The following THRB variants were observed in gnomAD, a reference collection of about 807,000 sequenced individuals.
THRB encodes nuclear receptor subfamily 1 group A member 2.
THRB carries 12 observed loss-of-function variants against 47.8 expected under a neutral mutation model. The observed-to-expected ratio is 0.25, with a 90% CI of 0.16 to 0.41. The LOEUF is 0.41. Among genes scored for constraint, THRB ranks in the 10% least tolerant of loss-of-function variants. The pLI is 1.00. For missense variants in THRB, 348 were observed against 589.2 expected, an observed-to-expected ratio of 0.59 and a Z score of 4.24; for synonymous variants, 218 against 212.2, an observed-to-expected ratio of 1.03 and a Z score of -0.24.
chr3:24,254,512 G>A (rs1321262520), intron 3 of THRB, among the ~76,000 whole-genome samples: 3 of 152,096 alleles, frequency 2.0e-5, no homozygotes, highest in African/African-American at 7.2e-5. Flanking sequence ...TTTAGAGTAA[G>A]AACAGTGTCA....
intron 1 of THRB, among the ~76,000 whole-genome samples, chr3:24,394,034 T>C (rs1160387937): frequency 2.0e-5 from 3 of 152,128 alleles, no homozygotes; most frequent in Admixed American, 2.0e-4. Context: ...TGATCTTCAA[T>C]AGATATTTTT....
At chr3:24,300,042 A>G (rs1369587750) in intron 2 of THRB, among the ~76,000 whole-genome samples, 1 of 151,978 alleles carries the variant, frequency 6.6e-6, no homozygotes, top group East Asian at 1.9e-4. Context: ...TTACATCTCT[A>G]GATCTGTCCA....
chr3:24,128,936 C>T (rs2033384769), intron 9 of THRB, among the ~76,000 whole-genome samples: 1 of 132,950 alleles, frequency 7.5e-6, no homozygotes, highest in Non-Finnish European at 1.6e-5. Context: ...ATGTGAGTTA[C>T]ACCTAATATC....
chr3:24,330,149 CAA>C (rs373239958), intron 2 of THRB, among the ~76,000 whole-genome samples: 11 of 151,212 alleles, frequency 7.3e-5, no homozygotes, highest in African/African-American at 1.5e-4. Context: ...ACTAAAAATA[CAA>C]AAAAAATTAG....
At chr3:24,137,582 T>G (rs1364064095) in intron 8 of THRB, among the ~76,000 whole-genome samples, 4 of 151,974 alleles carry the variant, frequency 2.6e-5, no homozygotes, top group Non-Finnish European at 5.9e-5. Context: ...GGAAAGCCAG[T>G]GCAAAGTCCC....
chr3:24,322,647 A>G (rs1188223692), intron 2 of THRB, among the ~76,000 whole-genome samples: 1 of 152,170 alleles, frequency 6.6e-6, no homozygotes. Context: ...GATTCCTTCA[A>G]TGTATAGTTG....
At chr3:24,169,825 T>C (rs1056357033) in intron 5 of THRB, among the ~76,000 whole-genome samples, 4 of 151,126 alleles carry the variant, frequency 2.6e-5, no homozygotes, top group Non-Finnish European at 5.9e-5. Flanking sequence ...TAAAGTTTAC[T>C]GGAATACAGC....
At chr3:24,306,850 A>G (rs1034019647) in intron 2 of THRB, among the ~76,000 whole-genome samples, 1 of 152,196 alleles carries the variant, frequency 6.6e-6, no homozygotes, top group African/African-American at 2.4e-5. Context: ...TTGTCTCTTT[A>G]CTTTCCTACA....
chr3:24,262,250 A>T (rs1486452889), intron 3 of THRB, among the ~76,000 whole-genome samples: 1 of 152,290 alleles, frequency 6.6e-6, no homozygotes. Context: ...TACCTCCATC[A>T]TTACTGTTAT....
intron 2 of THRB, among the ~76,000 whole-genome samples, chr3:24,316,899 G>A (rs531056762): frequency 3.7e-4 from 57 of 152,236 alleles, no homozygotes; most frequent in African/African-American, 1.2e-3. Flanking sequence ...ACTCCTTTTC[G>A]TGAAAGGCTG....
chr3:24,191,727 C>G (rs2043368862), intron 4 of THRB, among the ~76,000 whole-genome samples: 1 of 152,240 alleles, frequency 6.6e-6, no homozygotes, highest in African/African-American at 2.4e-5. Context: ...TGCATTTACC[C>G]TTCCGGGTTT....
intron 5 of THRB, among the ~76,000 whole-genome samples, chr3:24,167,978 G>C (rs867213495): frequency 1.3e-5 from 2 of 152,056 alleles, no homozygotes; most frequent in Admixed American, 6.6e-5. Flanking sequence ...AAGGTCAACA[G>C]TATTTTTATT....
chr3:24,425,824 C>A (rs1320642514), intron 1 of THRB, among the ~76,000 whole-genome samples: 7 of 151,936 alleles, frequency 4.6e-5, no homozygotes. Context: ...GTAATTTAAC[C>A]TCTCAGTGCT....
At chr3:24,492,275 T>C (rs1698264540) in intron 1 of THRB, among the ~76,000 whole-genome samples, 1 of 152,174 alleles carries the variant, frequency 6.6e-6, no homozygotes, top group South Asian at 2.1e-4. Context: ...TTCGATATTC[T>C]AGGCAAGGAT....
chr3:24,439,575 C>T (rs13070554), intron 1 of THRB, among the ~76,000 whole-genome samples: 42,091 of 152,058 alleles, frequency 0.28, 6,222 homozygotes, highest in Admixed American at 0.34. Context: ...TGACAACACA[C>T]GCAAAAGACT....
At chr3:24,244,451 T>G (rs895260209) in intron 3 of THRB, among the ~76,000 whole-genome samples, 4 of 152,274 alleles carry the variant, frequency 2.6e-5, no homozygotes, top group Non-Finnish European at 5.9e-5. Context: ...ATCTATTTAT[T>G]GGTAAAGAAA....
chr3:24,225,894 T>A (rs2047606575), intron 4 of THRB, among the ~76,000 whole-genome samples: 1 of 152,194 alleles, frequency 6.6e-6, no homozygotes, highest in African/African-American at 2.4e-5. Context: ...CAATGAATGA[T>A]TTCATATAGT....
rs527659093 is a variant in THRB at position 24,416,101 on chromosome 3, C to A, written c.-261+78551G>T. Among the ~76,000 whole-genome samples, 33 of 151,828 alleles carry A rather than the reference C, an allele frequency of 2.2e-4. No individual in the cohort carries two copies. The South Asian group carries it at 5.2e-3, about 24-fold the overall frequency. On this transcript the variant is annotated intron_variant, in intron 1 of 10. Coordinates refer to ENST00000646209, the MANE Select transcript of THRB (RefSeq NM_001354712.2). ...CAATTGTGAAATTTCACGTCAATGA[C>A]CTTGAGGCAAATAAAAAGTATGTTA...
rs1695546170 is a variant in THRB, at chr3:24,476,938, A to C, written c.-261+17714T>G. Among the ~76,000 whole-genome samples, 6 of 152,184 alleles carry C rather than the reference A, an allele frequency of 3.9e-5. No individual in the cohort carries two copies. The South Asian group carries it at 1.2e-3, about 32-fold the overall frequency. On this transcript the variant is annotated intron_variant, in intron 1 of 10. Coordinates refer to ENST00000646209, the MANE Select transcript of THRB (RefSeq NM_001354712.2). ...CAATCATGTGGACAAACATCATCAA[A>C]TGCTTGCATTTGAACACTGGCCAAT... is the stretch of plus-strand genomic sequence containing the variant.
Sources: gnomAD v4.1 joint callset for allele counts (sites outside exome capture counted in the v4.1 genomes callset) on GRCh38, gnomAD v4.1.1 for gene constraint, MANE v1.5 for transcripts, NCBI Gene and HGNC (gene_info 2026-07-23, HGNC 2026-07-21) for gene names.